The following DAB1 variants were observed in gnomAD, a reference collection of about 807,000 sequenced individuals.
DAB1 encodes disabled homolog 1.
DAB1 carries 15 observed loss-of-function variants against 64.6 expected under a neutral mutation model. The observed-to-expected ratio is 0.23, with a 90% CI of 0.16 to 0.36. The LOEUF is 0.36. DAB1 is among the 10% of genes least tolerant of loss of function. The pLI is 1.00. For synonymous variants in DAB1, 235 were observed against 251.9 expected (o/e 0.93, Z 0.64); for missense variants, 596 against 706.7 (o/e 0.84, Z 1.78).
chr1:57,230,487 T>C (rs1320868515), intron 2 of DAB1, among the ~76,000 whole-genome samples: 7 of 152,228 alleles, frequency 4.6e-5, no homozygotes. Context: ...TCTCATTTTC[T>C]ATTTTGGATT....
At chr1:57,321,656 C>A (rs1675726722) in intron 1 of DAB1, among the ~76,000 whole-genome samples, 1 of 152,128 alleles carries the variant, frequency 6.6e-6, no homozygotes, top group Admixed American at 6.5e-5. Context: ...AGTCATAAAA[C>A]CCAGGGTTCA....
At chr1:57,854,315 G>A (rs1305306314) in intron 1 of DAB1, among the ~76,000 whole-genome samples, 1 of 152,148 alleles carries the variant, frequency 6.6e-6, no homozygotes, top group Non-Finnish European at 1.5e-5. Context: ...AGCATGAGAA[G>A]AGGAATGGGA....
At chr1:58,345,409 A>G (rs573405809) in intron 3 of DAB1, among the ~76,000 whole-genome samples, 6 of 152,346 alleles carry the variant, frequency 3.9e-5, no homozygotes, top group African/African-American at 9.6e-5. Context: ...GTGCTACATC[A>G]AAGTGGAAAC....
At chr1:57,050,375 C>T (rs1649061456) in intron 9 of DAB1, among the ~76,000 whole-genome samples, 1 of 152,138 alleles carries the variant, frequency 6.6e-6, no homozygotes. Context: ...CTAACAGCTC[C>T]CAGATTCTCA....
At chr1:58,285,896 C>G (rs1413563443) in intron 4 of DAB1, among the ~76,000 whole-genome samples, 2 of 152,186 alleles carry the variant, frequency 1.3e-5, no homozygotes, top group Non-Finnish European at 2.9e-5. Context: ...GGAGGCACCA[C>G]ACTACCTGAC....
intron 5 of DAB1, among the ~76,000 whole-genome samples, chr1:58,080,798 T>C (rs1028834525): frequency 3.3e-5 from 5 of 152,208 alleles, no homozygotes; most frequent in African/African-American, 1.2e-4. Flanking sequence ...TGAGGAATGT[T>C]TGGAAGGCAG....
intron 5 of DAB1, among the ~76,000 whole-genome samples, chr1:58,058,117 A>G (rs924789398): frequency 1.3e-5 from 2 of 152,060 alleles, no homozygotes; most frequent in Non-Finnish European, 2.9e-5. Flanking sequence ...TCCATCTTAT[A>G]ATCCAATCTG....
rs188215343 is a variant in DAB1, at chr1:57,303,615, T to G, written c.-136-12449A>C. On this transcript the variant is annotated intron_variant, in intron 1 of 14. Transcript: ENST00000371236. Reference sequence around the variant, plus strand: ...CAGCAAGGCCAAGACCCAGCAGAAGTTGTGAGTTAGCAGAAGTGAGCACTA... The same window carrying G: ...CAGCAAGGCCAAGACCCAGCAGAAGGTGTGAGTTAGCAGAAGTGAGCACTA... 1.0e-3 allele frequency among the ~76,000 whole-genome samples: 158 copies of G among 151,670 alleles called. 2 individuals are homozygous for G. The highest frequency in any genetic ancestry group is 3.8e-3 in the African/African-American group (155 of 41,308).
At chr1:57,402,978 G>A (rs1346656051) in intron 1 of DAB1, among the ~76,000 whole-genome samples, 4 of 152,228 alleles carry the variant, frequency 2.6e-5, no homozygotes, top group Non-Finnish European at 1.5e-5. Flanking sequence ...AGAAAACTGG[G>A]AGACCCAAGA....
At chr1:57,639,963 G>T (rs1312886425) in intron 7 of DAB1, among the ~76,000 whole-genome samples, 1 of 152,160 alleles carries the variant, frequency 6.6e-6, no homozygotes, top group Non-Finnish European at 1.5e-5. Flanking sequence ...GGAATAGTCA[G>T]GCTTTAGAGG....
intron 5 of DAB1, chr1:58,071,430 G>A (rs17116836): frequency 0.054 from 8,260 of 152,568 alleles, 273 homozygotes; most frequent in Admixed American, 0.08. Context: ...TGAAGTTCCC[G>A]CTGCTGGGCT....
chr1:57,039,660 A>C (rs1237127742), intron 9 of DAB1, among the ~76,000 whole-genome samples: 1 of 152,108 alleles, frequency 6.6e-6, no homozygotes. Context: ...TCCATCCCTT[A>C]TACCTATTTT....
chr1:57,093,207 G>A (rs929184281), intron 4 of DAB1, among the ~76,000 whole-genome samples: 7 of 152,112 alleles, frequency 4.6e-5, no homozygotes, highest in African/African-American at 9.7e-5. Flanking sequence ...GTGGCTGCTC[G>A]TCACCTCCGT....
At chr1:58,228,823 C>T (rs979937329) in intron 4 of DAB1, 2 of 679,692 alleles carry the variant, frequency 2.9e-6, no homozygotes, top group South Asian at 2.8e-5. Context: ...TCCAGGTAGA[C>T]ATAACCAGCA....
intron 5 of DAB1, among the ~76,000 whole-genome samples, chr1:57,960,691 G>A (rs1222414349): frequency 1.3e-5 from 2 of 152,246 alleles, no homozygotes; most frequent in Non-Finnish European, 2.9e-5. Flanking sequence ...GGAGGCTGAA[G>A]AAGTCCTTTC....
chr1:57,789,292 C>T (rs945605188), intron 6 of DAB1, among the ~76,000 whole-genome samples: 2 of 152,072 alleles, frequency 1.3e-5, no homozygotes, highest in African/African-American at 2.4e-5. Flanking sequence ...CTTGGGCCCA[C>T]GCGAGAAGAG....
chr1:57,101,998 T>C (rs1170979083), intron 4 of DAB1, among the ~76,000 whole-genome samples: 1 of 152,202 alleles, frequency 6.6e-6, no homozygotes, highest in Admixed American at 6.5e-5. Context: ...CTCTAGAGCC[T>C]GTGCTTTAAA....
At chr1:58,194,179 G>A (rs192789706) in intron 4 of DAB1, among the ~76,000 whole-genome samples, 64 of 152,252 alleles carry the variant, frequency 4.2e-4, no homozygotes, top group Middle Eastern at 6.8e-3. Flanking sequence ...ACAGTATTCC[G>A]GTTAAGGGAA....
chr1:57,408,436 G>T (rs1420391787), intron 1 of DAB1, among the ~76,000 whole-genome samples: 1 of 152,142 alleles, frequency 6.6e-6, no homozygotes, highest in Admixed American at 6.5e-5. Flanking sequence ...GATCAATAAA[G>T]ATTCTCAGTA....
Sources: gnomAD v4.1 joint callset for allele counts (sites outside exome capture counted in the v4.1 genomes callset) on GRCh38, gnomAD v4.1.1 for gene constraint, MANE v1.5 for transcripts, NCBI Gene and HGNC (gene_info 2026-07-23, HGNC 2026-07-21) for gene names.